DENND2C: variants seen among roughly 807,000 people sequenced by gnomAD.
The protein encoded by DENND2C is DENN domain containing 2C.
A neutral mutation model predicts 112.4 loss-of-function variants in DENND2C; 72 were observed. The observed-to-expected ratio is 0.64, with a 90% CI of 0.53 to 0.78. DENND2C has a LOEUF of 0.78. Ranked by LOEUF, DENND2C falls within the 30% of genes least tolerant of loss-of-function variation. DENND2C has a pLI of 0.00. For synonymous variants in DENND2C, 329 were observed against 381.6 expected (o/e 0.86, Z 1.61); for missense variants, 992 against 1,113.8 (o/e 0.89, Z 1.56).
intron 1 of DENND2C, among the ~76,000 whole-genome samples, chr1:114,662,831 GCA>G (rs1315751470): frequency 6.6e-6 from 1 of 152,094 alleles, no homozygotes; most frequent in African/African-American, 2.4e-5. Context: ...TTGGTGGCGT[GCA>G]CCTGTAATGC....
chr1:114,646,665 A>G lies in DENND2C; in HGVS notation c.-316-1106T>C, dbSNP rs540894949. Among the ~76,000 whole-genome samples the G allele has an allele frequency of 1.2e-4, 18 of 152,322 alleles. No homozygotes were observed. The South Asian group carries it at 2.7e-3, about 23-fold the overall frequency. On this transcript the variant is annotated intron_variant, in intron 2 of 20. Transcript: ENST00000393274. The stretch of plus-strand genomic sequence containing the variant: ...ATATAAAGTCTGATCCAGAGAAAGC[A>G]CCAGTGTCAAACTGTATATTAAATA...
rs1202042957 is a variant in DENND2C, at chr1:114,583,339, C to T, written c.*2261G>A. On this transcript the variant is annotated 3_prime_UTR_variant, in exon 21 of 21. Coordinates refer to ENST00000393274, the MANE Select transcript of DENND2C (RefSeq NM_001256404.2). The stretch of plus-strand genomic sequence containing the variant: ...CTGTACAAGTCAATAAACTGTATCA[C>T]AATACAACTTACACAGTTTTGTAAG... 1 of 151,144 alleles carries T rather than the reference C, an allele frequency of 6.6e-6. No homozygotes were observed. The highest frequency in any genetic ancestry group is 1.5e-5 in the Non-Finnish European group (1 of 67,476). The allele number at this position is 151,144 out of a possible 1,614,324, so 9.4% of individuals were successfully genotyped here.
At chr1:114,586,206 G>A (rs979556400) in intron 20 of DENND2C, among the ~76,000 whole-genome samples, 1 of 152,144 alleles carries the variant, frequency 6.6e-6, no homozygotes, top group African/African-American at 2.4e-5. Context: ...AATCATAAAT[G>A]TGTTTCTGTA....
At chr1:114,600,473 T>C in intron 14 of DENND2C, 121 bp from the exon 15 acceptor site, 2 of 1,302,318 alleles carry the variant, frequency 1.5e-6, no homozygotes, top group Non-Finnish European at 2.1e-6. Flanking sequence ...ACACGGGGTC[T>C]GTGAAGCTTC....
rs977392478 is a variant in DENND2C at position 114,600,281 on chromosome 1, C to T, written c.2028G>A (p.Leu676=). Residue 676 remains leucine (L), a synonymous_variant, in exon 15 of 21, where the codon CTG becomes CTA. Transcript: ENST00000393274. ...HVDFKCLFKC[L]SVCHLIRVCA... ...AGACCCGGATGAGATGACACACACT[C>T]AGGCACTTAAAGAGACATTTAAAAT... 1.9e-6 allele frequency: 3 copies of T among 1,614,118 alleles called. No homozygotes were observed. Among genetic ancestry groups the T allele is most frequent in the Non-Finnish European group, 2.5e-6 (3 of 1,180,012 alleles).
At chr1:114,642,548 T>A (rs1046448711) in intron 3 of DENND2C, among the ~76,000 whole-genome samples, 4 of 152,224 alleles carry the variant, frequency 2.6e-5, no homozygotes, top group Non-Finnish European at 5.9e-5. Context: ...ATGATCACAA[T>A]GTTTACAGAT....
At position 114,594,466 on chromosome 1, in the gene DENND2C, C is replaced by T; in HGVS notation, c.2431+7G>A. On this transcript the variant is annotated splice_region_variant and intron_variant, in intron 18 of 20. Transcript: ENST00000393274. Reference sequence around the variant, plus strand: ...AACCTTAAGTCCTTGGCTCACTTGTCTCATACCTTGTGAAAAATTCTGCTC... The same window carrying T: ...AACCTTAAGTCCTTGGCTCACTTGTTTCATACCTTGTGAAAAATTCTGCTC... The T allele has an allele frequency of 6.2e-7, 1 of 1,611,678 alleles. No homozygotes were observed. Among genetic ancestry groups the T allele is most frequent in the South Asian group, 1.1e-5 (1 of 91,038 alleles).
chr1:114,662,904 G>C (rs902793365), intron 1 of DENND2C, among the ~76,000 whole-genome samples: 1 of 152,080 alleles, frequency 6.6e-6, no homozygotes, highest in African/African-American at 2.4e-5. Flanking sequence ...AGGCTGCAGT[G>C]AACTATGATT....
chr1:114,597,929 A>G (rs1316290600), intron 16 of DENND2C, among the ~76,000 whole-genome samples: 2 of 152,244 alleles, frequency 1.3e-5, no homozygotes, highest in Middle Eastern at 3.2e-3. Flanking sequence ...CACAATATGA[A>G]TAACACTACG....
At chr1:114,634,750 G>A (rs542026760) in intron 3 of DENND2C, among the ~76,000 whole-genome samples, 4 of 151,948 alleles carry the variant, frequency 2.6e-5, no homozygotes, top group East Asian at 1.9e-4. Flanking sequence ...GAACACGGCC[G>A]GGCATGGTGG....
chr1:114,586,458 A>G (rs1287822224), intron 20 of DENND2C, among the ~76,000 whole-genome samples: 1 of 152,196 alleles, frequency 6.6e-6, no homozygotes, highest in Admixed American at 6.5e-5. Context: ...ATATGCAAAC[A>G]TATCATGAAA....
chr1:114,652,868 G>A (rs1392094325), intron 2 of DENND2C, among the ~76,000 whole-genome samples: 2 of 151,232 alleles, frequency 1.3e-5, no homozygotes, highest in Non-Finnish European at 2.9e-5. Flanking sequence ...AAATAATCTC[G>A]AGATTACTTA....
intron 6 of DENND2C, among the ~76,000 whole-genome samples, chr1:114,622,664 T>G (rs527432506): frequency 6.6e-6 from 1 of 152,210 alleles, no homozygotes; most frequent in East Asian, 1.9e-4. Flanking sequence ...TCACATACTT[T>G]CAGGGACTAG....
intron 18 of DENND2C, among the ~76,000 whole-genome samples, chr1:114,590,706 A>C (rs170307): frequency 8.0e-5 from 12 of 149,756 alleles, no homozygotes; most frequent in African/African-American, 1.7e-4. Context: ...TGAACCCCGG[A>C]GGGTGGAGCC....
At position 114,653,234 on chromosome 1, in the gene DENND2C, G is replaced by A. The variant is rs534419901; in HGVS notation, c.-317+1271C>T. Among the ~76,000 whole-genome samples the A allele has an allele frequency of 3.9e-5, 6 of 151,924 alleles. No homozygotes were observed. The South Asian group carries it at 1.0e-3, about 26-fold the overall frequency. On this transcript the variant is annotated intron_variant, in intron 2 of 20. Coordinates refer to ENST00000393274, the MANE Select transcript of DENND2C (RefSeq NM_001256404.2). The stretch of plus-strand genomic sequence containing the variant: ...ATCGATTCTCTTGCCTCAGCCACCC[G>A]AGTTACTGGGATTACAGGTGTGCAC...
At chr1:114,600,012 A>G (rs988925856) in intron 15 of DENND2C, among the ~76,000 whole-genome samples, 192 bp downstream of exon 15, 2 of 152,116 alleles carry the variant, frequency 1.3e-5, no homozygotes, top group Admixed American at 1.3e-4. Flanking sequence ...AGAAATACCT[A>G]ATGTAAATGA....
chr1:114,648,761 T>C (rs1031415677), intron 2 of DENND2C, among the ~76,000 whole-genome samples: 1 of 152,116 alleles, frequency 6.6e-6, no homozygotes, highest in African/African-American at 2.4e-5. Flanking sequence ...AGCTGACATG[T>C]AGCTAAATTT....
chr1:114,657,265 T>C (rs1306404422), intron 1 of DENND2C, among the ~76,000 whole-genome samples: 2 of 152,240 alleles, frequency 1.3e-5, no homozygotes, highest in Non-Finnish European at 2.9e-5. Context: ...TTTTGTTTGT[T>C]TGTTTGTTTC....
At chr1:114,611,356 C>G (rs1557944729) in intron 8 of DENND2C, among the ~76,000 whole-genome samples, 1 of 151,820 alleles carries the variant, frequency 6.6e-6, no homozygotes, top group Non-Finnish European at 1.5e-5. Context: ...CTCCTCGGCT[C>G]CCCTCTCATC....
Sources: gnomAD v4.1 joint callset for allele counts (sites outside exome capture counted in the v4.1 genomes callset) on GRCh38, gnomAD v4.1.1 for gene constraint, MANE v1.5 for transcripts, NCBI Gene and HGNC (gene_info 2026-07-23, HGNC 2026-07-21) for gene names.